GRAP2: variants seen among roughly 807,000 people sequenced by gnomAD.
GRAP2 encodes GRB2 related adaptor protein 2, also known as GRB2-related adapter protein 2.
A neutral mutation model predicts 43.5 loss-of-function variants in GRAP2; 31 were observed. The observed-to-expected ratio is 0.71, with a 90% CI of 0.54 to 0.96. The LOEUF is 0.96. GRAP2 is among the 40% of genes least tolerant of loss of function. The pLI is 0.00. For synonymous variants in GRAP2, 156 were observed against 164.8 expected (o/e 0.95, Z 0.41); for missense variants, 371 against 424.4 (o/e 0.87, Z 1.11).
rs976111985 is a variant in GRAP2 at position 39,968,049 on chromosome 22, G to C, written c.467G>C (p.Arg156Pro). 1 of 1,612,148 alleles carries C rather than the reference G, an allele frequency of 6.2e-7. No homozygotes were observed. Among genetic ancestry groups the C allele is most frequent in the African/African-American group, 1.3e-5 (1 of 74,996 alleles). The stretch of plus-strand genomic sequence containing the variant: ...CTCTGTTCTTTCTCCCAGGGTCACC[G>C]GGGCAACAGCCTGGACCGGAGGTCC... ...RDRTREDQGH[R>P]GNSLDRRSQG... The change falls in exon 6 of 8, where the codon CGG (arginine) becomes CCG (proline). Residue 156 changes from arginine (R) to proline (P), a missense_variant. Coordinates refer to ENST00000344138, the MANE Select transcript of GRAP2 (RefSeq NM_004810.4).
At chr22:39,956,636 C>CTTTTTTTTTTTTTTTTTTTTTTTT in intron 3 of GRAP2, among the ~76,000 whole-genome samples, 1 of 151,050 alleles carries the variant, frequency 6.6e-6, no homozygotes, top group East Asian at 2.1e-4. Flanking sequence ...ACCCAGCTAA[C>CTTTTTTTTTTTTTTTTTTTTTTTT]TTTTGTATTT....
At chr22:39,901,604 G>A (rs1421755336) in intron 1 of GRAP2, among the ~76,000 whole-genome samples, 1 of 152,074 alleles carries the variant, frequency 6.6e-6, no homozygotes, top group East Asian at 1.9e-4. Flanking sequence ...AGCATCTCAG[G>A]GAAAGATTTT....
rs1358772085 is a variant in GRAP2, at chr22:39,972,339, G to A, written c.*1255G>A. 4 of 152,370 alleles carry A rather than the reference G, an allele frequency of 2.6e-5. No individual in the cohort carries two copies. Among genetic ancestry groups the A allele is most frequent in the African/African-American group, 7.2e-5 (3 of 41,484 alleles). 9.4% of individuals were successfully genotyped at this position (152,370 alleles called of 1,614,324 possible). On this transcript the variant is annotated 3_prime_UTR_variant, in exon 8 of 8. Coordinates refer to ENST00000344138, the MANE Select transcript of GRAP2 (RefSeq NM_004810.4). Reference sequence around the variant, plus strand: ...ACCCGTTCTGCACCAAGTGCACTCGGAGTTTGTGGGTATGGGTGTGTACCC... The same window carrying A: ...ACCCGTTCTGCACCAAGTGCACTCGAAGTTTGTGGGTATGGGTGTGTACCC...
chr22:39,960,814 A>G (rs1291850109), intron 4 of GRAP2: 1 of 152,256 alleles, frequency 6.6e-6, no homozygotes, highest in Non-Finnish European at 1.5e-5. Flanking sequence ...AAGACCCAAG[A>G]CCCAGGGAAA....
intron 7 of GRAP2, among the ~76,000 whole-genome samples, chr22:39,970,681 G>T (rs767705825): frequency 2.6e-5 from 4 of 152,156 alleles, no homozygotes; most frequent in Non-Finnish European, 5.9e-5. Flanking sequence ...AGCTACTTGG[G>T]AGGCCAAGGC....
At chr22:39,931,600 G>A (rs1463614990) in intron 1 of GRAP2, among the ~76,000 whole-genome samples, 1 of 152,198 alleles carries the variant, frequency 6.6e-6, no homozygotes, top group Non-Finnish European at 1.5e-5. Context: ...ACTGGGGCTG[G>A]TGCCCAGGAA....
chr22:39,940,862 G>A (rs1158184263), intron 1 of GRAP2, among the ~76,000 whole-genome samples: 1 of 152,210 alleles, frequency 6.6e-6, no homozygotes, highest in Non-Finnish European at 1.5e-5. Flanking sequence ...TAAAACTCAT[G>A]AGAGACAATG....
chr22:39,922,853 G>C (rs1276674370), intron 1 of GRAP2, among the ~76,000 whole-genome samples: 1 of 152,122 alleles, frequency 6.6e-6, no homozygotes, highest in Non-Finnish European at 1.5e-5. Flanking sequence ...AACCAGCCTG[G>C]GCAACATGGT....
At chr22:39,894,498 C>A in the GRAP2 span, among the ~76,000 whole-genome samples, 1 of 152,004 alleles carries the variant, frequency 6.6e-6, no homozygotes, top group Non-Finnish European at 1.5e-5. Context: ...AGCGCACCAG[C>A]ATGGCACATG....
chr22:39,963,701 A>G (rs2067141631), intron 4 of GRAP2, among the ~76,000 whole-genome samples: 1 of 152,122 alleles, frequency 6.6e-6, no homozygotes, highest in South Asian at 2.1e-4. Context: ...CCTTCTTAAC[A>G]CAGGTCCCTA....
At chr22:39,920,894 C>T (rs2145588458) in intron 1 of GRAP2, among the ~76,000 whole-genome samples, 1 of 151,510 alleles carries the variant, frequency 6.6e-6, no homozygotes, top group African/African-American at 2.4e-5. Flanking sequence ...GATAGGCCAG[C>T]TCACCAGAAT....
intron 1 of GRAP2, among the ~76,000 whole-genome samples, chr22:39,906,187 G>T (rs1019839525): frequency 1.3e-5 from 2 of 152,124 alleles, no homozygotes; most frequent in African/African-American, 4.8e-5. Context: ...TCAGGAGGGA[G>T]AAATTTCCTC....
intron 3 of GRAP2, among the ~76,000 whole-genome samples, chr22:39,956,716 G>A (rs1249524267): frequency 3.9e-5 from 6 of 152,028 alleles, no homozygotes; most frequent in African/African-American, 1.2e-4. Context: ...TGATCCACCC[G>A]CCTCGGCCTC....
intron 1 of GRAP2, among the ~76,000 whole-genome samples, chr22:39,939,561 C>CAAAAAAAA (rs386395434): frequency 1.2e-4 from 8 of 64,132 alleles, no homozygotes; most frequent in Non-Finnish European, 1.7e-4. Flanking sequence ...GACTCCGTCT[C>CAAAAAAAA]AAAAAAAAAA....
chr22:39,945,970 C>T (rs1235914865), intron 1 of GRAP2, among the ~76,000 whole-genome samples: 1 of 152,184 alleles, frequency 6.6e-6, no homozygotes, highest in Non-Finnish European at 1.5e-5. Context: ...AAGCGATTAT[C>T]CTGCCTCAGC....
chr22:39,953,920 T>G (rs2067017813), intron 2 of GRAP2, among the ~76,000 whole-genome samples: 1 of 152,172 alleles, frequency 6.6e-6, no homozygotes, highest in South Asian at 2.1e-4. Flanking sequence ...GCCAGAGCTC[T>G]TTCTGAACTC....
intron 1 of GRAP2, among the ~76,000 whole-genome samples, chr22:39,943,505 C>A (rs778513183): frequency 1.3e-5 from 2 of 151,940 alleles, no homozygotes; most frequent in Non-Finnish European, 1.5e-5. Context: ...GCAGAGCTAG[C>A]ACTGAGGCCC....
At chr22:39,909,034 T>G (rs540362774) in intron 1 of GRAP2, among the ~76,000 whole-genome samples, 1 of 152,290 alleles carries the variant, frequency 6.6e-6, no homozygotes, top group African/African-American at 2.4e-5. Context: ...TTTAACCCAC[T>G]ATACAAGAGA....
chr22:39,896,613 T>C (rs1304842942), upstream of GRAP2, among the ~76,000 whole-genome samples: 1 of 152,086 alleles, frequency 6.6e-6, no homozygotes, highest in Admixed American at 6.5e-5. Context: ...TAGAAGGTGA[T>C]TGAGGAGGCA....
Sources: gnomAD v4.1 joint callset for allele counts (sites outside exome capture counted in the v4.1 genomes callset) on GRCh38, gnomAD v4.1.1 for gene constraint, MANE v1.5 for transcripts, NCBI Gene and HGNC (gene_info 2026-07-23, HGNC 2026-07-21) for gene names.